The following LIMD1 variants were observed in gnomAD, a reference collection of about 807,000 sequenced individuals.
The protein encoded by LIMD1 is LIM domain containing 1.
In LIMD1, 23 loss-of-function variants were observed where a neutral mutation model predicts 58.4. The ratio of observed to expected loss-of-function variants is 0.39; its 90% CI spans 0.28 to 0.56. LIMD1 has a LOEUF of 0.56. Ranked by LOEUF, LIMD1 falls within the 20% of genes least tolerant of loss-of-function variation. LIMD1 has a pLI of 0.57. For synonymous variants in LIMD1, 334 were observed against 345.5 expected (o/e 0.97, Z 0.37); for missense variants, 838 against 855.5 (o/e 0.98, Z 0.25).
chr3:45,596,204 C>T lies in LIMD1; in HGVS notation c.1325C>T (p.Pro442Leu), dbSNP rs1302597288. The T allele has an allele frequency of 2.5e-6, 4 of 1,613,506 alleles. No homozygotes were observed. Among genetic ancestry groups the T allele is most frequent in the Non-Finnish European group, 3.4e-6 (4 of 1,179,832 alleles). Residue 442 changes from proline (P) to leucine (L), a missense_variant, in exon 1 of 8, where the codon CCC (proline) becomes CTC (leucine). Pro to Leu is a moderately conservative substitution (Grantham distance 98). Coordinates refer to ENST00000273317, the MANE Select transcript of LIMD1 (RefSeq NM_014240.3). The stretch of plus-strand genomic sequence containing the variant: ...CTCGTCCCAGGTCCTGAGCTGAGAC[C>T]CTCTGCTGCTGAGTTGAAATTAGAA... ...QPLVPGPELR[P>L]SAAELKLEAL...
At chr3:45,672,179 A>G (rs991489134) in intron 4 of LIMD1, among the ~76,000 whole-genome samples, 5 of 152,252 alleles carry the variant, frequency 3.3e-5, no homozygotes, top group Admixed American at 6.5e-5. Context: ...TAGAAGGGGC[A>G]TCCAAGAGGC....
intron 2 of LIMD1, among the ~76,000 whole-genome samples, chr3:45,638,624 A>G (rs1701812039): frequency 6.6e-6 from 1 of 152,176 alleles, no homozygotes; most frequent in Non-Finnish European, 1.5e-5. Flanking sequence ...GAGTGCAGGT[A>G]TCTTTGGTAG....
chr3:45,596,451 GA>G (rs2125646086), intron 1 of LIMD1, among the ~76,000 whole-genome samples, 164 bp downstream of exon 1: 1 of 152,158 alleles, frequency 6.6e-6, no homozygotes, highest in East Asian at 1.9e-4. Flanking sequence ...TGCTTTTTCT[GA>G]TTCAGAAACT....
chr3:45,647,268 C>T (rs1051531006), intron 2 of LIMD1, among the ~76,000 whole-genome samples: 7 of 152,178 alleles, frequency 4.6e-5, no homozygotes, highest in East Asian at 1.9e-4. Context: ...CCATCTGCTG[C>T]GTAAGATCCT....
At chr3:45,670,648 C>G (rs1697576898) in intron 4 of LIMD1, among the ~76,000 whole-genome samples, 1 of 152,220 alleles carries the variant, frequency 6.6e-6, no homozygotes. Context: ...GCCTTTGACT[C>G]AGAAATCTCA....
chr3:45,656,278 ACATTCCCCTTAGT>A (rs1220898751), intron 2 of LIMD1, among the ~76,000 whole-genome samples: 12 of 152,300 alleles, frequency 7.9e-5, no homozygotes, highest in African/African-American at 2.6e-4. Context: ...AATGACTAAG[ACATTCCCCTTAGT>A]CTGAGAGATA....
intron 7 of LIMD1, among the ~76,000 whole-genome samples, chr3:45,674,764 C>T (rs1697646138): frequency 6.6e-6 from 1 of 152,134 alleles, no homozygotes; most frequent in Non-Finnish European, 1.5e-5. Flanking sequence ...GGACTCCCTC[C>T]CCTCCAGCTT....
At chr3:45,636,826 A>G (rs1355210534) in intron 2 of LIMD1, among the ~76,000 whole-genome samples, 1 of 152,156 alleles carries the variant, frequency 6.6e-6, no homozygotes, top group Non-Finnish European at 1.5e-5. Context: ...ATGCATTATA[A>G]TTCAAGCAGC....
intron 1 of LIMD1, among the ~76,000 whole-genome samples, chr3:45,613,423 A>G (rs1701545390): frequency 6.6e-6 from 1 of 152,234 alleles, no homozygotes; most frequent in East Asian, 1.9e-4. Context: ...TCCTTTGTCC[A>G]GCTTATTTCA....
intron 3 of LIMD1, among the ~76,000 whole-genome samples, chr3:45,666,020 T>C (rs1697513310): frequency 6.6e-6 from 1 of 152,162 alleles, no homozygotes; most frequent in Non-Finnish European, 1.5e-5. Context: ...GGCTCTCTTC[T>C]TCTCATCCCA....
intron 3 of LIMD1, among the ~76,000 whole-genome samples, chr3:45,666,569 T>G (rs1697522114): frequency 6.6e-6 from 1 of 152,010 alleles, no homozygotes; most frequent in Non-Finnish European, 1.5e-5. Flanking sequence ...CTTGCCCCTT[T>G]ATTTTCCCAG....
Position 45,665,672 on chromosome 3 carries a change from C to G in LIMD1, c.1533C>G (p.Ala511=). The G allele has an allele frequency of 6.2e-7, 1 of 1,614,138 alleles. No homozygotes were observed. The highest frequency in any genetic ancestry group is 1.1e-5 in the South Asian group (1 of 91,076). The part of the protein sequence containing the change: ...AACSRKLRGK[A]FYFVNGKVFC... ...TAGGCCGGAAGCTGAGAGGAAAAGC[C>G]TTTTATTTTGTCAACGGCAAAGTGT... Residue 511 remains alanine (A), a synonymous_variant, in exon 3 of 8, where the codon GCC becomes GCG. Coordinates refer to ENST00000273317, the MANE Select transcript of LIMD1 (RefSeq NM_014240.3).
Position 45,610,424 on chromosome 3 carries a change from G to A in LIMD1, c.1408+14137G>A, listed in dbSNP as rs562446173. 4.8e-4 allele frequency among the ~76,000 whole-genome samples: 73 copies of A among 152,294 alleles called. 1 individual carries two copies. The highest frequency in any genetic ancestry group is 1.7e-3 in the African/African-American group (70 of 41,570). ...ATGTGGGTAGGAGATGCCTTTGGTA[G>A]CTGAGGACTAGAGGGGCCAGAAAGG... On this transcript the variant is annotated intron_variant, in intron 1 of 7. Transcript: ENST00000273317.
chr3:45,613,301 G>A (rs1312234597), intron 1 of LIMD1, among the ~76,000 whole-genome samples: 1 of 152,216 alleles, frequency 6.6e-6, no homozygotes, highest in Non-Finnish European at 1.5e-5. Context: ...GTTGATGAAA[G>A]TGTTGTGGTC....
chr3:45,650,033 T>G (rs1265081542), intron 2 of LIMD1, among the ~76,000 whole-genome samples: 1 of 151,886 alleles, frequency 6.6e-6, no homozygotes, highest in Non-Finnish European at 1.5e-5. Context: ...AGGGGTTTGT[T>G]GAGCTTCTTG....
chr3:45,611,918 G>T (rs1315516507), intron 1 of LIMD1, among the ~76,000 whole-genome samples: 1 of 152,154 alleles, frequency 6.6e-6, no homozygotes, highest in East Asian at 1.9e-4. Context: ...TGTGAGGTGT[G>T]GGGAGAGGCA....
chr3:45,622,596 C>T (rs889951179), intron 1 of LIMD1, among the ~76,000 whole-genome samples: 8 of 151,838 alleles, frequency 5.3e-5, no homozygotes, highest in Admixed American at 3.3e-4. Flanking sequence ...CGTGTTTTGA[C>T]AATGGTTGAC....
rs974188550 is a variant in LIMD1, at chr3:45,676,346, A to G, written c.1894-576A>G. Among the ~76,000 whole-genome samples, 16 of 130,426 alleles carry G rather than the reference A, an allele frequency of 1.2e-4. 1 individual carries two copies. Among genetic ancestry groups the G allele is most frequent in the Non-Finnish European group, 2.5e-4 (16 of 64,092 alleles). The allele number at this position is 130,426 out of a possible 152,430, so 85.6% of individuals were successfully genotyped here. A position where few individuals can be genotyped will look rare whatever the true frequency, so the allele number is the denominator to read the frequency against. On this transcript the variant is annotated intron_variant, in intron 7 of 7. Coordinates refer to ENST00000273317, the MANE Select transcript of LIMD1 (RefSeq NM_014240.3). ...CTCCACAATTTATTTTATTTCTTCT[A>G]AAAAAAAAAAAGGGATACGTGTGAA...
At chr3:45,666,087 G>T (rs924592888) in intron 3 of LIMD1, among the ~76,000 whole-genome samples, 1 of 152,104 alleles carries the variant, frequency 6.6e-6, no homozygotes, top group African/African-American at 2.4e-5. Flanking sequence ...TGTGCCAGTG[G>T]CTCCCAGACC....
Sources: gnomAD v4.1 joint callset for allele counts (sites outside exome capture counted in the v4.1 genomes callset) on GRCh38, gnomAD v4.1.1 for gene constraint, MANE v1.5 for transcripts, NCBI Gene and HGNC (gene_info 2026-07-23, HGNC 2026-07-21) for gene names.